The following SLC35F1 variants were observed in gnomAD, a reference collection of about 807,000 sequenced individuals.
The protein encoded by SLC35F1 is chromosome 6 open reading frame 169.
SLC35F1 carries 14 observed loss-of-function variants against 48.7 expected under a neutral mutation model. The observed-to-expected ratio is 0.29, with a 90% CI of 0.19 to 0.45. The LOEUF (loss-of-function observed/expected upper bound fraction) is 0.45, where lower values mean the gene tolerates loss of function less well. Among genes scored for constraint, SLC35F1 ranks in the 20% least tolerant of loss-of-function variants. The probability of loss-of-function intolerance (pLI) is 1.00; values close to 1 mark genes in which losing one functional copy is unlikely to be tolerated. For synonymous variants in SLC35F1, 190 were observed against 202.2 expected (o/e 0.94, Z 0.51); for missense variants, 404 against 500.0 (o/e 0.81, Z 1.83).
chr6:118,114,835 GC>G (rs1773455859), intron 1 of SLC35F1, among the ~76,000 whole-genome samples: 1 of 152,114 alleles, frequency 6.6e-6, no homozygotes, highest in Non-Finnish European at 1.5e-5. Context: ...ACTTTTTCTG[GC>G]AGGTGCTTTG....
chr6:118,228,137 T>A (rs1775241523), intron 2 of SLC35F1, among the ~76,000 whole-genome samples: 1 of 152,176 alleles, frequency 6.6e-6, no homozygotes, highest in Non-Finnish European at 1.5e-5. Context: ...CTGGATCTAA[T>A]AATAAAAATA....
chr6:118,172,008 G>A (rs1774412018), intron 2 of SLC35F1, among the ~76,000 whole-genome samples: 1 of 152,128 alleles, frequency 6.6e-6, no homozygotes, highest in Non-Finnish European at 1.5e-5. Context: ...AGTGTAATTA[G>A]TAGGGCTATT....
At chr6:118,291,579 G>A (rs185657930) in intron 7 of SLC35F1, among the ~76,000 whole-genome samples, 207 of 152,014 alleles carry the variant, frequency 1.4e-3, no homozygotes, top group Non-Finnish European at 2.5e-3. Flanking sequence ...TATCTATTTG[G>A]TTAAACCTGT....
At chr6:117,965,937 T>C (rs532883693) in intron 1 of SLC35F1, among the ~76,000 whole-genome samples, 96 of 152,186 alleles carry the variant, frequency 6.3e-4, no homozygotes, top group African/African-American at 2.0e-3. Context: ...GGATTATAAA[T>C]ACACCAGTCA....
intron 6 of SLC35F1, among the ~76,000 whole-genome samples, chr6:118,277,907 T>C (rs571704335): frequency 6.6e-6 from 1 of 151,994 alleles, no homozygotes; most frequent in Admixed American, 6.6e-5. Context: ...GATGTAACCA[T>C]TAAAAAGTGC....
chr6:117,983,426 A>T (rs1776808031), intron 1 of SLC35F1, among the ~76,000 whole-genome samples: 1 of 152,006 alleles, frequency 6.6e-6, no homozygotes, highest in Non-Finnish European at 1.5e-5. Flanking sequence ...AATACAAAAA[A>T]ATTAGTCGGG....
At position 117,951,110 on chromosome 6, in the gene SLC35F1, G is replaced by A. The variant is rs191636544; in HGVS notation, c.173+43211G>A. Among the ~76,000 whole-genome samples, 72 of 152,256 alleles carry A rather than the reference G, an allele frequency of 4.7e-4. 1 individual carries two copies. Among genetic ancestry groups the A allele is most frequent in the Non-Finnish European group, 9.4e-4 (64 of 68,028 alleles). On this transcript the variant is annotated intron_variant, in intron 1 of 7. Transcript: ENST00000360388. ...AGTTTTCATATAATTTATCTTGATAGCATGAATGCAATCTATGAAAAAGAT... is the reference window on the plus strand; with the variant it reads ...AGTTTTCATATAATTTATCTTGATAACATGAATGCAATCTATGAAAAAGAT...
At chr6:118,100,707 G>A (rs1464994373) in intron 1 of SLC35F1, among the ~76,000 whole-genome samples, 1 of 152,126 alleles carries the variant, frequency 6.6e-6, no homozygotes, top group Non-Finnish European at 1.5e-5. Context: ...AGTGTCCAGA[G>A]TTTTTATTAA....
At chr6:117,927,141 AT>A (rs1776039510) in intron 1 of SLC35F1, among the ~76,000 whole-genome samples, 1 of 152,158 alleles carries the variant, frequency 6.6e-6, no homozygotes, top group African/African-American at 2.4e-5. Flanking sequence ...AGGATTAAAG[AT>A]GGTAATATAT....
intron 6 of SLC35F1, among the ~76,000 whole-genome samples, chr6:118,281,287 A>G (rs192787703): frequency 6.6e-6 from 1 of 151,646 alleles, no homozygotes; most frequent in Non-Finnish European, 1.5e-5. Context: ...ATTTCTCTTT[A>G]TAATAATTAA....
At chr6:118,262,428 T>A (rs1775724867) in intron 3 of SLC35F1, among the ~76,000 whole-genome samples, 2 of 152,050 alleles carry the variant, frequency 1.3e-5, no homozygotes, top group Non-Finnish European at 2.9e-5. Flanking sequence ...AGAGGGGAAA[T>A]TAAATGACGC....
chr6:118,046,493 A>C (rs1417932001), intron 1 of SLC35F1, among the ~76,000 whole-genome samples: 2 of 152,198 alleles, frequency 1.3e-5, no homozygotes, highest in African/African-American at 4.8e-5. Context: ...ATGGGCTTTG[A>C]AATTGAACAG....
chr6:117,916,321 G>GTTT (rs1775825271), intron 1 of SLC35F1, among the ~76,000 whole-genome samples: 1 of 152,098 alleles, frequency 6.6e-6, no homozygotes, highest in Admixed American at 6.5e-5. Context: ...TTTCACAAAA[G>GTTT]TATTGTCTTC....
At chr6:118,053,983 C>T (rs900256090) in intron 1 of SLC35F1, among the ~76,000 whole-genome samples, 1 of 152,024 alleles carries the variant, frequency 6.6e-6, no homozygotes, top group Non-Finnish European at 1.5e-5. Flanking sequence ...TGAAATTTTC[C>T]GTTATTTTTT....
At chr6:117,980,685 C>G (rs1270867646) in intron 1 of SLC35F1, among the ~76,000 whole-genome samples, 1 of 152,148 alleles carries the variant, frequency 6.6e-6, no homozygotes, top group Non-Finnish European at 1.5e-5. Flanking sequence ...TCAGAGTACA[C>G]TGTAGTAAAG....
At chr6:118,016,446 A>G (rs1193026078) in intron 1 of SLC35F1, among the ~76,000 whole-genome samples, 1 of 152,344 alleles carries the variant, frequency 6.6e-6, no homozygotes, top group Non-Finnish European at 1.5e-5. Context: ...AGAAATCTGA[A>G]TTCTGTAAGC....
intron 1 of SLC35F1, among the ~76,000 whole-genome samples, chr6:118,086,986 G>C (rs1238775922): frequency 6.6e-6 from 1 of 152,080 alleles, no homozygotes; most frequent in Non-Finnish European, 1.5e-5. Flanking sequence ...TACATGTTTG[G>C]TCTACATGTC....
At chr6:117,935,460 G>A (rs1776152827) in intron 1 of SLC35F1, among the ~76,000 whole-genome samples, 2 of 152,314 alleles carry the variant, frequency 1.3e-5, no homozygotes, top group South Asian at 4.1e-4. Context: ...TAAAATGTGT[G>A]TTTCTGTTGA....
At chr6:117,909,583 G>C (rs1015748270) in intron 1 of SLC35F1, among the ~76,000 whole-genome samples, 3 of 152,078 alleles carry the variant, frequency 2.0e-5, no homozygotes, top group Non-Finnish European at 4.4e-5. Flanking sequence ...CCATTTATCT[G>C]CTTGGTCTTG....
Sources: gnomAD v4.1 joint callset for allele counts (sites outside exome capture counted in the v4.1 genomes callset) on GRCh38, gnomAD v4.1.1 for gene constraint, MANE v1.5 for transcripts, NCBI Gene and HGNC (gene_info 2026-07-23, HGNC 2026-07-21) for gene names.